Variants in CPNE4 observed in about 807,000 individuals in gnomAD.
The protein encoded by CPNE4 is copine-4.
In CPNE4, 25 loss-of-function variants were observed where a neutral mutation model predicts 67.9. That is an observed-to-expected ratio of 0.37 (90% confidence interval 0.27 to 0.51). The LOEUF is 0.51. Among genes scored for constraint, CPNE4 ranks in the 20% least tolerant of loss-of-function variants. CPNE4 has a pLI of 0.93. For missense variants in CPNE4, 464 were observed against 690.8 expected, an observed-to-expected ratio of 0.67 and a Z score of 3.68; for synonymous variants, 242 against 244.9, an observed-to-expected ratio of 0.99 and a Z score of 0.11.
At chr3:131,591,227 A>C (rs752501943) in intron 7 of CPNE4, among the ~76,000 whole-genome samples, 6 of 152,318 alleles carry the variant, frequency 3.9e-5, no homozygotes, top group African/African-American at 1.4e-4. Flanking sequence ...TTTGCCTGAT[A>C]GTAAGTACAG....
intron 3 of CPNE4, among the ~76,000 whole-genome samples, chr3:131,714,328 T>C (rs2081632170): frequency 6.6e-6 from 1 of 152,150 alleles, no homozygotes; most frequent in South Asian, 2.1e-4. Context: ...TAACATTCAC[T>C]TATGTCAGGA....
chr3:131,964,614 A>C (rs2072290884), intron 1 of CPNE4, among the ~76,000 whole-genome samples: 1 of 151,712 alleles, frequency 6.6e-6, no homozygotes, highest in Non-Finnish European at 1.5e-5. Context: ...AAGCAGAAGA[A>C]AGGATATCAG....
At chr3:131,535,357 G>GT in intron 15 of CPNE4, 28 bp from the exon 16 acceptor site, 1 of 1,597,908 alleles carries the variant, frequency 6.3e-7, no homozygotes, top group Non-Finnish European at 8.5e-7. Flanking sequence ...TCATCATGAC[G>GT]TTGGCTTCTG....
At position 131,614,430 on chromosome 3, in the gene CPNE4, G is replaced by A. The variant is rs556576667; in HGVS notation, c.682-26848C>T. Among the ~76,000 whole-genome samples, 61 of 152,316 alleles carry A rather than the reference G, an allele frequency of 4.0e-4. 2 individuals carry two copies. In the South Asian group the frequency reaches 0.012, roughly 29 times the overall value. ...GTTTGAGTGAAAGCAAAGGAGAGGGGTGATTTGTTGTGCATCCTTATTGGA... is the reference window on the plus strand; with the variant it reads ...GTTTGAGTGAAAGCAAAGGAGAGGGATGATTTGTTGTGCATCCTTATTGGA... On this transcript the variant is annotated intron_variant, in intron 7 of 15. Coordinates refer to ENST00000429747, the MANE Select transcript of CPNE4 (RefSeq NM_130808.3).
At chr3:131,904,317 A>T (rs781041052) in intron 2 of CPNE4, among the ~76,000 whole-genome samples, 1 of 152,000 alleles carries the variant, frequency 6.6e-6, no homozygotes, top group Non-Finnish European at 1.5e-5. Flanking sequence ...GAATCTACTC[A>T]TGATTTCCAC....
chr3:131,804,218 A>G lies in CPNE4; in HGVS notation c.181-80593T>C, dbSNP rs866057816. On this transcript the variant is annotated intron_variant, in intron 2 of 15. Coordinates refer to ENST00000429747, the MANE Select transcript of CPNE4 (RefSeq NM_130808.3). ...CCTATTCATTCACACTGGTTTAATC[A>G]TTACCAACCTGTATATCTCGGTGGA... Among the ~76,000 whole-genome samples, 9 of 152,082 alleles carry G rather than the reference A, an allele frequency of 5.9e-5. 2 individuals carry two copies. The Middle Eastern group carries it at 0.031, about 517-fold the overall frequency.
At chr3:131,938,311 C>G (rs186733495) in intron 1 of CPNE4, among the ~76,000 whole-genome samples, 59 of 151,690 alleles carry the variant, frequency 3.9e-4, no homozygotes, top group Admixed American at 6.6e-4. Flanking sequence ...GAACTGTGAT[C>G]GTACCACTGC....
intron 2 of CPNE4, among the ~76,000 whole-genome samples, chr3:131,845,897 T>G (rs13063979): frequency 0.2 from 30,909 of 152,124 alleles, 3,867 homozygotes; most frequent in Non-Finnish European, 0.27. Flanking sequence ...AGAAAACTAA[T>G]CACGGTGAAT....
intron 3 of CPNE4, among the ~76,000 whole-genome samples, chr3:131,717,879 T>TTTCTCC (rs1491097537): frequency 1.9e-4 from 7 of 36,186 alleles, no homozygotes; most frequent in African/African-American, 7.4e-4. Flanking sequence ...CTTTCTTTTC[T>TTTCTCC]TTCTTTCTTT....
chr3:131,754,913 T>C (rs1273770271), intron 2 of CPNE4, among the ~76,000 whole-genome samples: 1 of 152,202 alleles, frequency 6.6e-6, no homozygotes, highest in African/African-American at 2.4e-5. Context: ...TACTCTACTA[T>C]ATTCTTTTCA....
intron 7 of CPNE4, among the ~76,000 whole-genome samples, chr3:131,601,392 T>C (rs1939199046): frequency 6.6e-6 from 1 of 152,050 alleles, no homozygotes; most frequent in East Asian, 1.9e-4. Flanking sequence ...ATAGTGCAGG[T>C]GATGGACGTG....
At chr3:131,559,173 G>A (rs1190497738) in intron 11 of CPNE4, among the ~76,000 whole-genome samples, 1 of 152,000 alleles carries the variant, frequency 6.6e-6, no homozygotes, top group African/African-American at 2.4e-5. Context: ...GCTGATGTCA[G>A]CTGGTAGTTC....
chr3:131,683,517 T>G (rs2080808634), intron 6 of CPNE4, among the ~76,000 whole-genome samples: 1 of 152,116 alleles, frequency 6.6e-6, no homozygotes, highest in Admixed American at 6.5e-5. Context: ...AAAGTTATAT[T>G]TATGCTTTCC....
intron 1 of CPNE4, among the ~76,000 whole-genome samples, chr3:131,917,512 G>A (rs867251696): frequency 3.3e-5 from 5 of 151,840 alleles, no homozygotes; most frequent in East Asian, 1.9e-4. Flanking sequence ...GAGTGGTGTC[G>A]GCATGTCAAC....
At chr3:131,932,954 A>G (rs2054316) in intron 1 of CPNE4, among the ~76,000 whole-genome samples, 54,499 of 151,940 alleles carry the variant, frequency 0.36, 10,384 homozygotes, top group African/African-American at 0.47. Context: ...CTGGGAGGTG[A>G]ATGTTGCAGT....
In CPNE4 at chr3:131,542,543, GTGTATA is replaced by G; in HGVS notation, c.1539+8_1539+13del. The G allele has an allele frequency of 6.4e-7, 1 of 1,571,872 alleles. No individual in the cohort carries two copies. The highest frequency in any genetic ancestry group is 8.8e-7 in the Non-Finnish European group (1 of 1,141,498). ...GCTCTTCCATGAAAAGTGCCCCAAT[GTGTATA>G]TGCATACGTGTTTGAAGTTCCTGAA... On this transcript the variant is annotated splice_region_variant and intron_variant, in intron 15 of 15. Transcript: ENST00000429747.
At chr3:131,682,767 G>A (rs1481992800) in intron 6 of CPNE4, among the ~76,000 whole-genome samples, 2 of 152,018 alleles carry the variant, frequency 1.3e-5, no homozygotes, top group African/African-American at 4.8e-5. Flanking sequence ...AATGCCATCT[G>A]GGAGCCAGAG....
chr3:131,789,642 T>C (rs775676235), intron 2 of CPNE4, among the ~76,000 whole-genome samples: 18 of 152,192 alleles, frequency 1.2e-4, no homozygotes, highest in Non-Finnish European at 2.1e-4. Flanking sequence ...CTATGATTAT[T>C]CAATGAGGCA....
chr3:131,776,177 C>T (rs2083285539), intron 2 of CPNE4, among the ~76,000 whole-genome samples: 1 of 152,124 alleles, frequency 6.6e-6, no homozygotes. Flanking sequence ...TCCAGTAAGC[C>T]TCTCAAACCA....
Sources: gnomAD v4.1 joint callset for allele counts (sites outside exome capture counted in the v4.1 genomes callset) on GRCh38, gnomAD v4.1.1 for gene constraint, MANE v1.5 for transcripts, NCBI Gene and HGNC (gene_info 2026-07-23, HGNC 2026-07-21) for gene names.